MARCHF10: variants seen among roughly 807,000 people sequenced by gnomAD.
The protein encoded by MARCHF10 is probable E3 ubiquitin-protein ligase MARCHF10.
MARCHF10 carries 64 observed loss-of-function variants against 76.2 expected under a neutral mutation model. The observed-to-expected ratio is 0.84, with a 90% confidence interval of 0.69 to 1.03. MARCHF10 has a LOEUF of 1.03. MARCHF10 is among the 50% of genes least tolerant of loss of function. The pLI, the probability that MARCHF10 is intolerant of heterozygous loss-of-function variation, is 0.00. For missense variants in MARCHF10, 875 were observed against 958.0 expected (o/e 0.91, Z 1.14); for synonymous variants, 340 against 357.5 (o/e 0.95, Z 0.55).
intron 8 of MARCHF10, among the ~76,000 whole-genome samples, chr17:62,719,515 C>A (rs551569701): frequency 4.6e-5 from 7 of 152,184 alleles, no homozygotes; most frequent in Non-Finnish European, 1.0e-4. Flanking sequence ...TATCTTTACT[C>A]CCCTTTAGGG....
chr17:62,792,738 A>ACTG (rs2092875769), intron 2 of MARCHF10, among the ~76,000 whole-genome samples: 1 of 138,402 alleles, frequency 7.2e-6, no homozygotes, highest in South Asian at 2.4e-4. Flanking sequence ...CACCATCACC[A>ACTG]CCACCACCTC....
At chr17:62,772,206 T>C (rs1279931661) in intron 3 of MARCHF10, among the ~76,000 whole-genome samples, 1 of 151,774 alleles carries the variant, frequency 6.6e-6, no homozygotes, top group Non-Finnish European at 1.5e-5. Context: ...ATCATGGGGG[T>C]GGGTCTTTCC....
intron 2 of MARCHF10, among the ~76,000 whole-genome samples, chr17:62,799,392 A>G (rs954146900): frequency 2.0e-5 from 3 of 152,116 alleles, no homozygotes; most frequent in African/African-American, 7.2e-5. Context: ...GACCCTTAAT[A>G]CAACATAAAT....
chr17:62,807,119 T>TA (rs1305700053), intron 1 of MARCHF10, among the ~76,000 whole-genome samples: 1 of 152,236 alleles, frequency 6.6e-6, no homozygotes, highest in Non-Finnish European at 1.5e-5. Context: ...CAGGAGACCT[T>TA]ATTCAACCTT....
At chr17:62,743,624 C>G (rs1257794389) in intron 5 of MARCHF10, among the ~76,000 whole-genome samples, 1 of 152,074 alleles carries the variant, frequency 6.6e-6, no homozygotes, top group Non-Finnish European at 1.5e-5. Context: ...GCCTGGGCAA[C>G]AGAGGGAGAC....
intron 3 of MARCHF10, among the ~76,000 whole-genome samples, chr17:62,779,290 C>T (rs2092612815): frequency 6.6e-6 from 1 of 152,152 alleles, no homozygotes; most frequent in South Asian, 2.1e-4. Context: ...AAAGAAGAGG[C>T]CCGACCCACA....
intron 10 of MARCHF10, among the ~76,000 whole-genome samples, chr17:62,703,985 C>G (rs1034807197): frequency 1.3e-5 from 2 of 152,144 alleles, no homozygotes; most frequent in East Asian, 1.9e-4. Context: ...CGGGCGCGCC[C>G]GGTCGCCGCA....
At chr17:62,759,708 T>C in intron 4 of MARCHF10, 127 bp downstream of exon 4, 1 of 894,374 alleles carries the variant, frequency 1.1e-6, no homozygotes, top group South Asian at 1.7e-5. Flanking sequence ...TGACCTCAAG[T>C]GATCCGCCGG....
At chr17:62,721,669 A>G (rs1185937161) in intron 8 of MARCHF10, among the ~76,000 whole-genome samples, 2 of 152,156 alleles carry the variant, frequency 1.3e-5, no homozygotes, top group Admixed American at 6.5e-5. Context: ...CTTTTTTACA[A>G]TATTAGAAAT....
chr17:62,773,359 A>G (rs2092483495), intron 3 of MARCHF10, among the ~76,000 whole-genome samples: 1 of 152,168 alleles, frequency 6.6e-6, no homozygotes. Context: ...CGGGGAAGTC[A>G]TTTGCTGAAG....
intron 8 of MARCHF10, among the ~76,000 whole-genome samples, chr17:62,720,635 G>T (rs1322201713): frequency 6.6e-6 from 1 of 152,116 alleles, no homozygotes; most frequent in African/African-American, 2.4e-5. Flanking sequence ...AAGCATGAAG[G>T]AATTTTTCTC....
At chr17:62,707,272 C>T (rs2089651413) in intron 9 of MARCHF10, among the ~76,000 whole-genome samples, 1 of 152,234 alleles carries the variant, frequency 6.6e-6, no homozygotes, top group African/African-American at 2.4e-5. Context: ...CCACTCCCTG[C>T]CTGCACCTTA....
chr17:62,753,876 G>A lies in MARCHF10; in HGVS notation c.382+5959C>T, dbSNP rs569264183. On this transcript the variant is annotated intron_variant, in intron 4 of 10. Transcript: ENST00000311269. ...TTTGTGTTCTGGTTCCCCATTACCC[G>A]GCAGGTAAATACGTATAAATGAAGT... is the stretch of plus-strand genomic sequence containing the variant. Among the ~76,000 whole-genome samples the A allele has an allele frequency of 3.9e-5, 6 of 152,218 alleles. No homozygotes were observed. In the South Asian group the frequency reaches 1.0e-3, roughly 26 times the overall value.
At chr17:62,714,902 C>T (rs1326941772) in intron 8 of MARCHF10, among the ~76,000 whole-genome samples, 1 of 152,122 alleles carries the variant, frequency 6.6e-6, no homozygotes, top group Non-Finnish European at 1.5e-5. Context: ...TGTGCCACCA[C>T]TCCCAGCTAA....
rs2089939881 is a variant in MARCHF10, at chr17:62,711,703, C to T, written c.2215-359G>A. Among the ~76,000 whole-genome samples, 1 of 152,212 alleles carries T rather than the reference C, an allele frequency of 6.6e-6. No homozygotes were observed. The stretch of plus-strand genomic sequence containing the variant: ...AGAACTCCCTGCTGGGAACCGATCA[C>T]CTGGTGTGGGGGAGAGAGCTTCATC... On this transcript the variant is annotated intron_variant, in intron 8 of 10. Transcript: ENST00000311269. The surrounding 1 kb of genome is among the most constrained non-coding windows in gnomAD (Gnocchi z 4.4).
intron 2 of MARCHF10, among the ~76,000 whole-genome samples, chr17:62,800,266 T>C (rs2093049828): frequency 6.6e-6 from 1 of 152,200 alleles, no homozygotes; most frequent in Non-Finnish European, 1.5e-5. Context: ...CACAGTTGTG[T>C]GATTTTCTTC....
At chr17:62,755,001 C>G (rs577556791) in intron 4 of MARCHF10, among the ~76,000 whole-genome samples, 59 of 152,302 alleles carry the variant, frequency 3.9e-4, no homozygotes, top group African/African-American at 1.3e-3. Context: ...ATGTTTGTCT[C>G]TTAACATCTG....
At chr17:62,796,244 T>C (rs1234864315) in intron 2 of MARCHF10, among the ~76,000 whole-genome samples, 1 of 152,078 alleles carries the variant, frequency 6.6e-6, no homozygotes, top group Non-Finnish European at 1.5e-5. Context: ...CACCCGCCTC[T>C]GCCTCCCCAA....
rs1189012596 is a variant in MARCHF10, at chr17:62,711,139, G to A, written c.2328+92C>T. The A allele has an allele frequency of 9.0e-6, 9 of 1,005,336 alleles. No homozygotes were observed. Among genetic ancestry groups the A allele is most frequent in the East Asian group, 2.4e-5 (1 of 41,668 alleles). The allele number at this position is 1,005,336 out of a possible 1,614,324, so 62.3% of individuals were successfully genotyped here. On this transcript the variant is annotated intron_variant, in intron 9 of 10. Coordinates refer to ENST00000311269, the MANE Select transcript of MARCHF10 (RefSeq NM_152598.4). The surrounding 1 kb of genome is among the most constrained non-coding windows in gnomAD (Gnocchi z 4.4). ...TAGTCCCATATCCTCCCAAGCGACC[G>A]TGAGGACCTCAACAGCTTGCACATC...
Sources: allele counts gnomAD v4.1 joint callset (sites outside exome capture counted in the v4.1 genomes callset), GRCh38; gene constraint gnomAD v4.1.1; non-coding constraint Gnocchi (gnomAD v3.1); transcripts MANE v1.5; gene names NCBI Gene and HGNC (gene_info 2026-07-23, HGNC 2026-07-21).